HMOX2: variants seen among roughly 807,000 people sequenced by gnomAD.
HMOX2 encodes heme oxygenase (decycling) 2.
Under a neutral mutation model 33.7 loss-of-function variants are expected in HMOX2, and 30 were observed. The ratio of observed to expected loss-of-function variants is 0.89; its 90% CI spans 0.67 to 1.21. HMOX2 has a LOEUF of 1.21. HMOX2 is among the 50% of genes most tolerant of loss of function. HMOX2 has a pLI of 0.00. For missense variants in HMOX2, 403 were observed against 399.1 expected, an observed-to-expected ratio of 1.01 and a Z score of -0.08; for synonymous variants, 155 against 155.0, an observed-to-expected ratio of 1.00 and a Z score of 0.00.
At chr16:4,480,034 C>T (rs34970627) in intron 1 of HMOX2, among the ~76,000 whole-genome samples, 17,399 of 150,624 alleles carry the variant, frequency 0.12, 2,088 homozygotes, top group African/African-American at 0.3. Flanking sequence ...TCGCTGCGCC[C>T]GGCTTTTTTA....
In HMOX2 at chr16:4,509,771, C is replaced by T; in HGVS notation, c.*15C>T. Reference sequence around the variant, plus strand: ...ACTACATGTGAAGCACCCATCATGCCACACCGGTACCCTCCTCCCGACTGA... The same window carrying T: ...ACTACATGTGAAGCACCCATCATGCTACACCGGTACCCTCCTCCCGACTGA... On this transcript the variant is annotated 3_prime_UTR_variant, in exon 6 of 6. Transcript: ENST00000570646. The T allele has an allele frequency of 6.2e-7, 1 of 1,608,788 alleles. No individual in the cohort carries two copies. Among genetic ancestry groups the T allele is most frequent in the Non-Finnish European group, 8.5e-7 (1 of 1,177,740 alleles).
At chr16:4,481,061 T>C (rs1490845385) in intron 1 of HMOX2, among the ~76,000 whole-genome samples, 3 of 151,434 alleles carry the variant, frequency 2.0e-5, no homozygotes, top group Admixed American at 2.0e-4. Context: ...ATTAAAACAA[T>C]CTGGTCCGGG....
chr16:4,490,743 A>G (rs1013203197), intron 1 of HMOX2, among the ~76,000 whole-genome samples: 1 of 152,134 alleles, frequency 6.6e-6, no homozygotes, highest in African/African-American at 2.4e-5. Context: ...AATCTATATA[A>G]GGGATATTTG....
At chr16:4,483,965 G>GC (rs1378934342) in intron 1 of HMOX2, among the ~76,000 whole-genome samples, 13 of 134,298 alleles carry the variant, frequency 9.7e-5, no homozygotes, top group East Asian at 4.4e-4. Flanking sequence ...CCGTGCATAT[G>GC]CCCAAAAATT....
chr16:4,494,332 A>G (rs2058370587), intron 1 of HMOX2, among the ~76,000 whole-genome samples: 1 of 151,580 alleles, frequency 6.6e-6, no homozygotes, highest in Non-Finnish European at 1.5e-5. Context: ...AAAAAAAAAG[A>G]AAACAAGGCT....
intron 1 of HMOX2, among the ~76,000 whole-genome samples, chr16:4,484,193 C>G (rs890052413): frequency 8.6e-5 from 13 of 151,908 alleles, no homozygotes; most frequent in African/African-American, 2.9e-4. Context: ...CCAAGATGGT[C>G]TCAATCTCCT....
chr16:4,494,340 G>T (rs767444257), intron 1 of HMOX2, among the ~76,000 whole-genome samples: 2 of 151,774 alleles, frequency 1.3e-5, no homozygotes, highest in Non-Finnish European at 2.9e-5. Context: ...AGAAAACAAG[G>T]CTATGAAAAT....
chr16:4,475,177 T>C (rs1229746964), upstream of HMOX2, among the ~76,000 whole-genome samples: 1 of 151,972 alleles, frequency 6.6e-6, no homozygotes, highest in Non-Finnish European at 1.5e-5. Context: ...GGTCTCGAAC[T>C]CCTGACTTAA....
Position 4,506,896 on chromosome 16 carries a change from A to G in HMOX2, c.88A>G (p.Met30Val), listed in dbSNP as rs1422853117. ...GALEKENQMR[M>V]ADLSELLKEG... ...CAAACACCTCCCATCTCTCCACAGA[A>G]TGGCTGACCTCTCGGAGCTCCTGAA... Residue 30 changes from methionine to valine, a missense_variant and splice_region_variant, in exon 3 of 6, where the codon ATG (methionine) becomes GTG (valine). Coordinates refer to ENST00000570646, the MANE Select transcript of HMOX2 (RefSeq NM_002134.4). The G allele has an allele frequency of 6.2e-7, 1 of 1,610,238 alleles. No individual in the cohort carries two copies. Among genetic ancestry groups the G allele is most frequent in the Non-Finnish European group, 8.5e-7 (1 of 1,176,504 alleles).
chr16:4,504,575 G>T (rs1423467234), intron 1 of HMOX2, among the ~76,000 whole-genome samples: 2 of 151,122 alleles, frequency 1.3e-5, no homozygotes, highest in Non-Finnish European at 2.9e-5. Flanking sequence ...GGTCAGGCTG[G>T]TCTTAAACTC....
At chr16:4,500,581 A>C (rs748632782) in intron 1 of HMOX2, among the ~76,000 whole-genome samples, 3 of 152,114 alleles carry the variant, frequency 2.0e-5, no homozygotes, top group Admixed American at 6.5e-5. Context: ...AGGGCAAAGA[A>C]GTCTTTATTG....
chr16:4,509,545 C>G lies in HMOX2; in HGVS notation c.823+7C>G. ...GCTGCTGAACAAGACAAAGGTAGGT[C>G]TGTGTGTCCTGAGCTCCCCTCCTGG... On this transcript the variant is annotated splice_region_variant and intron_variant, in intron 5 of 5. Coordinates refer to ENST00000570646, the MANE Select transcript of HMOX2 (RefSeq NM_002134.4). 6.2e-7 allele frequency: 1 copy of G among 1,614,168 alleles called. No homozygotes were observed. Among genetic ancestry groups the G allele is most frequent in the Non-Finnish European group, 8.5e-7 (1 of 1,180,030 alleles).
At chr16:4,478,822 G>C (rs2057940587) in intron 1 of HMOX2, among the ~76,000 whole-genome samples, 1 of 151,020 alleles carries the variant, frequency 6.6e-6, no homozygotes, top group African/African-American at 2.4e-5. Flanking sequence ...TGTAAAATTT[G>C]AAATTCAGCT....
In HMOX2 at chr16:4,510,139, T is replaced by C. The variant is rs917243598; in HGVS notation, c.*383T>C. 1 of 212,876 alleles carries C rather than the reference T, an allele frequency of 4.7e-6. No individual in the cohort carries two copies. The highest frequency in any genetic ancestry group is 2.3e-5 in the African/African-American group (1 of 44,070). The allele number at this position is 212,876 out of a possible 1,614,324, so 13.2% of individuals were successfully genotyped here. The stretch of plus-strand genomic sequence containing the variant: ...AAGTCCAAGCTGTGCGAGGGGGCCT[T>C]GCTGGATGCTGCTGTACAACTTCTG... On this transcript the variant is annotated 3_prime_UTR_variant, in exon 6 of 6. Transcript: ENST00000570646.
intron 1 of HMOX2, among the ~76,000 whole-genome samples, chr16:4,489,778 A>G (rs1400940638): frequency 6.6e-6 from 1 of 151,932 alleles, no homozygotes; most frequent in Non-Finnish European, 1.5e-5. Context: ...TAATTTTATA[A>G]TTTTTGGGGG....
intron 1 of HMOX2, among the ~76,000 whole-genome samples, chr16:4,492,233 A>G (rs2141561017): frequency 6.6e-6 from 1 of 152,082 alleles, no homozygotes; most frequent in East Asian, 1.9e-4. Context: ...ACTTGGAAGG[A>G]TGAATTGGGA....
intron 1 of HMOX2, among the ~76,000 whole-genome samples, chr16:4,482,118 TA>T (rs2058046778): frequency 6.6e-6 from 1 of 152,156 alleles, no homozygotes; most frequent in Non-Finnish European, 1.5e-5. Context: ...GAAAATAACT[TA>T]AAAAACTCCA....
At chr16:4,491,449 A>C (rs938843910) in intron 1 of HMOX2, among the ~76,000 whole-genome samples, 4 of 152,104 alleles carry the variant, frequency 2.6e-5, no homozygotes, top group Admixed American at 2.6e-4. Flanking sequence ...CAGGAGTTCA[A>C]CACTCGCCTG....
chr16:4,500,070 C>A (rs752583459), intron 1 of HMOX2, among the ~76,000 whole-genome samples: 1 of 152,106 alleles, frequency 6.6e-6, no homozygotes, highest in African/African-American at 2.4e-5. Context: ...TCATATTGGA[C>A]CCTGATCTGA....
Sources: allele counts gnomAD v4.1 joint callset (sites outside exome capture counted in the v4.1 genomes callset), GRCh38; gene constraint gnomAD v4.1.1; transcripts MANE v1.5; gene names NCBI Gene and HGNC (gene_info 2026-07-23, HGNC 2026-07-21).